The following HERC2 variants were observed in gnomAD, a reference collection of about 807,000 sequenced individuals.
HERC2 encodes HECT and RLD domain containing E3 ubiquitin protein ligase 2, also known as E3 ubiquitin-protein ligase HERC2.
HERC2 carries 102 observed loss-of-function variants against 537.7 expected under a neutral mutation model. That is an observed-to-expected ratio of 0.19 (90% CI 0.16 to 0.22). The LOEUF is 0.22. HERC2 is among the 10% of genes least tolerant of loss of function. The pLI is 1.00. For missense variants in HERC2, 4,236 were observed against 6,198.2 expected (o/e 0.68, Z 10.63); for synonymous variants, 2,224 against 2,466.2 (o/e 0.90, Z 2.91).
chr15:28,214,080 T>G lies in HERC2; in HGVS notation c.6551A>C (p.Glu2184Ala), dbSNP rs759112915. The stretch of plus-strand genomic sequence containing the variant: ...ATTCTGAGAACACAAACCCACCCCT[T>G]CGGAAGGCCTTCCCACAAAGCTGTG... ...ITHSFVGRPS[E>A]GAQLEDYFPD... is the part of the protein sequence containing the mutation. The change falls in exon 41 of 93, where the codon GAA becomes GCA. Residue 2184 changes from glutamate (E) to alanine (A), a missense_variant. By Grantham distance (107) the Glu-to-Ala change is moderately radical (BLOSUM62 -1). This residue lies in a region of HERC2 where 365 missense variants were observed against 468.8 expected (regional missense o/e 0.78). Transcript: ENST00000261609. The G allele has an allele frequency of 3.3e-5, 53 of 1,613,874 alleles. 1 individual carries two copies. Among genetic ancestry groups the G allele is most frequent in the Admixed American group, 8.3e-5 (5 of 59,982 alleles).
rs1003748502 is a variant in HERC2 at position 28,122,764 on chromosome 15, C to T, written c.13188+1273G>A. Among the ~76,000 whole-genome samples, 8 of 152,242 alleles carry T rather than the reference C, an allele frequency of 5.3e-5. No homozygotes were observed. Among genetic ancestry groups the T allele is most frequent in the South Asian group, 4.2e-4 (2 of 4,800 alleles). On this transcript the variant is annotated intron_variant, in intron 85 of 92. Transcript: ENST00000261609. This position sits in a 1 kb window ranked among gnomAD's most constrained non-coding sequence, Gnocchi z 4.1. The stretch of plus-strand genomic sequence containing the variant: ...TCCCTGACCAGAGGTACCTTTCAGA[C>T]GCCCTCAGCACTCCCCTGCTCTCCT...
chr15:28,186,128 C>A (rs901512504), intron 56 of HERC2, among the ~76,000 whole-genome samples: 24 of 152,154 alleles, frequency 1.6e-4, no homozygotes, highest in African/African-American at 5.3e-4. Context: ...CTTAATGCCA[C>A]TGAACTGTAC....
chr15:28,176,310 T>C lies in HERC2; in HGVS notation c.9686+118A>G. On this transcript the variant is annotated intron_variant, in intron 63 of 92. Transcript: ENST00000261609. This position sits in a 1 kb window ranked among gnomAD's most constrained non-coding sequence, Gnocchi z 5.0. The stretch of plus-strand genomic sequence containing the variant: ...ATATCCTTTAAAGGACAAAGATGCA[T>C]GCATAAGTAAAAAGAGGACACGTCA... The C allele has an allele frequency of 1.2e-6, 1 of 812,222 alleles. No homozygotes were observed. Among genetic ancestry groups the C allele is most frequent in the East Asian group, 2.6e-5 (1 of 39,132 alleles). 50.3% of individuals were successfully genotyped at this position (812,222 alleles called of 1,614,324 possible).
chr15:28,166,881 AC>A (rs2142482801), intron 68 of HERC2, among the ~76,000 whole-genome samples: 1 of 152,326 alleles, frequency 6.6e-6, no homozygotes, highest in African/African-American at 2.4e-5. Flanking sequence ...ATAGCAACAA[AC>A]GTCACTATTT....
chr15:28,124,044 T>C lies in HERC2; in HGVS notation c.13181A>G (p.Gln4394Arg). Reference sequence around the variant, plus strand: ...AGATTGCCACTTGAATACCTTTCCCTGGGATATCAGAATTCCTCGGAGAGT... The same window carrying C: ...AGATTGCCACTTGAATACCTTTCCCCGGGATATCAGAATTCCTCGGAGAGT... The part of the protein sequence containing the change: ...FDTLRGILIS[Q>R]GKEAAFRKVV... The change falls in exon 85 of 93, where the codon CAG (glutamine) becomes CGG (arginine). Residue 4394 changes from glutamine to arginine, a missense_variant. Transcript: ENST00000261609. 1 of 1,585,034 alleles carries C rather than the reference T, an allele frequency of 6.3e-7. No homozygotes were observed. The highest frequency in any genetic ancestry group is 1.1e-5 in the South Asian group (1 of 87,120).
chr15:28,308,063 ATTTT>A (rs57732933), intron 2 of HERC2, among the ~76,000 whole-genome samples: 2 of 144,248 alleles, frequency 1.4e-5, no homozygotes, highest in Non-Finnish European at 3.1e-5. Context: ...GAATTTTAGG[ATTTT>A]TTTTTTTTCT....
chr15:28,144,908 C>G, intron 71 of HERC2, 104 bp from the exon 72 acceptor site: 1 of 1,449,276 alleles, frequency 6.9e-7, no homozygotes, highest in South Asian at 1.2e-5. Context: ...GTGTGAAGAG[C>G]AAGTTCCTCC....
chr15:28,260,157 T>C (rs539078811), intron 16 of HERC2, among the ~76,000 whole-genome samples: 15 of 146,672 alleles, frequency 1.0e-4, no homozygotes, highest in Admixed American at 7.5e-4. Context: ...CTGGGCAACA[T>C]AGTGAAACCG....
chr15:28,265,786 G>C lies in HERC2; in HGVS notation c.1756+31C>G, dbSNP rs2075548622. 1.9e-6 allele frequency: 3 copies of C among 1,614,106 alleles called. No homozygotes were observed. In the East Asian group the frequency reaches 6.7e-5, roughly 36 times the overall value. On this transcript the variant is annotated intron_variant, in intron 13 of 92. Coordinates refer to ENST00000261609, the MANE Select transcript of HERC2 (RefSeq NM_004667.6). This position sits in a 1 kb window ranked among gnomAD's most constrained non-coding sequence, Gnocchi z 4.0. ...GTCCTGTAAGAGGCCACCTCCTGCT[G>C]CATGCTCCCACTCATGCAGAGCAGA...
intron 20 of HERC2, among the ~76,000 whole-genome samples, chr15:28,249,364 T>C (rs1267628739): frequency 6.6e-6 from 1 of 151,826 alleles, no homozygotes; most frequent in East Asian, 1.9e-4. Flanking sequence ...GCGAAGAAAG[T>C]AGAAGAGGCT....
intron 66 of HERC2, 55 bp from the exon 67 acceptor site, chr15:28,168,645 C>T (rs1428568558): frequency 6.6e-7 from 1 of 1,522,864 alleles, no homozygotes; most frequent in Non-Finnish European, 8.9e-7. Context: ...CACTGCAGCA[C>T]AGGAAGTGGA....
rs1272914574 is a variant in HERC2, at chr15:28,168,406, CCT to C, written c.10412_10413del (p.Glu3471AspfsTer5). Reference sequence around the variant, plus strand: ...TAACATTGCTTTAGATTCGCTTTTACCTCTCTCTTTTCTTGCCATGGATTTGG... The same window carrying C: ...TAACATTGCTTTAGATTCGCTTTTACCTCTCTTTTCTTGCCATGGATTTGG... ...LSPNPWQEKR[E>X]IVSSEDAVTP... On this transcript the variant is annotated frameshift_variant and splice_region_variant, in exon 67 of 93. Transcript: ENST00000261609. LOFTEE classifies it high-confidence loss of function. The C allele has an allele frequency of 6.2e-7, 1 of 1,613,214 alleles. No individual in the cohort carries two copies. Among genetic ancestry groups the C allele is most frequent in the Admixed American group, 1.7e-5 (1 of 59,898 alleles).
At chr15:28,271,091 G>A (rs1054085721) in intron 9 of HERC2, among the ~76,000 whole-genome samples, 1 of 152,166 alleles carries the variant, frequency 6.6e-6, no homozygotes, top group African/African-American at 2.4e-5. Context: ...CATTGACTGC[G>A]CATGTATACA....
intron 16 of HERC2, 135 bp downstream of exon 16, chr15:28,260,642 A>G: frequency 1.5e-6 from 1 of 686,556 alleles, no homozygotes; most frequent in Non-Finnish European, 2.5e-6. Flanking sequence ...AGTGAAGCTC[A>G]TAATAAATGA....
chr15:28,294,805 G>A lies in HERC2; in HGVS notation c.188-1783C>T, dbSNP rs552275900. ...CCCACCCCCAGGGCTGTGAGCATGC[G>A]TGACTAATAAACTGCTATTTCATCT... On this transcript the variant is annotated intron_variant, in intron 3 of 92. Transcript: ENST00000261609. 3.8e-4 allele frequency among the ~76,000 whole-genome samples: 58 copies of A among 152,108 alleles called. 1 individual carries two copies. The highest frequency in any genetic ancestry group is 6.0e-4 in the Non-Finnish European group (41 of 67,962).
chr15:28,245,273 G>A (rs1377813437), intron 23 of HERC2, among the ~76,000 whole-genome samples: 2 of 152,070 alleles, frequency 1.3e-5, no homozygotes, highest in African/African-American at 2.4e-5. Flanking sequence ...ATAGCCGGGC[G>A]CAGTGGCTCA....
Position 28,135,636 on chromosome 15 carries a change from C to T in HERC2, c.12072G>A (p.Ser4024=), listed in dbSNP as rs1383413452. The T allele has an allele frequency of 5.0e-6, 8 of 1,614,010 alleles. No individual in the cohort carries two copies. The highest frequency in any genetic ancestry group is 2.7e-5 in the African/African-American group (2 of 74,912). ...GGRLGIGGTE[S]VSTPTLLESI... ...ATTCAAGCAATGTTGGGGTGGACAC[C>T]GACTCTGTCCCTCCAATGCCTAGTC... Residue 4024 remains serine, a synonymous_variant, in exon 79 of 93, where the codon TCG becomes TCA. Coordinates refer to ENST00000261609, the MANE Select transcript of HERC2 (RefSeq NM_004667.6).
intron 55 of HERC2, among the ~76,000 whole-genome samples, chr15:28,189,677 C>G (rs1375306244): frequency 6.6e-6 from 1 of 152,082 alleles, no homozygotes; most frequent in Non-Finnish European, 1.5e-5. Flanking sequence ...TAAATGTTCT[C>G]ACCACAAAAA....
chr15:28,150,190 G>A (rs185344891), intron 70 of HERC2, among the ~76,000 whole-genome samples: 3 of 151,118 alleles, frequency 2.0e-5, no homozygotes, highest in African/African-American at 4.9e-5. Context: ...AAACGCACGC[G>A]GCTGCTAACC....
Sources: allele counts gnomAD v4.1 joint callset (sites outside exome capture counted in the v4.1 genomes callset), GRCh38; gene constraint gnomAD v4.1.1; regional missense constraint gnomAD v4.1.1; non-coding constraint Gnocchi (gnomAD v3.1); transcripts MANE v1.5; gene names NCBI Gene and HGNC (gene_info 2026-07-23, HGNC 2026-07-21).